The following ACSF2 variants were observed in gnomAD, a reference collection of about 807,000 sequenced individuals.
ACSF2 encodes the protein acyl-CoA synthetase family member 2, also known as medium-chain acyl-CoA ligase ACSF2, mitochondrial.
In ACSF2, 52 loss-of-function variants were observed where a neutral mutation model predicts 79.3. The observed-to-expected ratio is 0.66, with a 90% CI of 0.53 to 0.83. ACSF2 has a LOEUF of 0.83. Ranked by LOEUF, ACSF2 falls within the 40% of genes least tolerant of loss-of-function variation. ACSF2 has a pLI of 0.00. For missense variants in ACSF2, 661 were observed against 803.3 expected, an observed-to-expected ratio of 0.82 and a Z score of 2.14; for synonymous variants, 283 against 312.6, an observed-to-expected ratio of 0.91 and a Z score of 1.00.
intron 10 of ACSF2, chr17:50,465,309 C>T (rs778528573): frequency 1.2e-6 from 2 of 1,614,088 alleles, no homozygotes; most frequent in Non-Finnish European, 1.7e-6. Context: ...TAATGGCGGC[C>T]AGCTTTCTTG....
intron 1 of ACSF2, among the ~76,000 whole-genome samples, chr17:50,447,034 G>A (rs540226694): frequency 6.2e-4 from 94 of 152,164 alleles, no homozygotes; most frequent in African/African-American, 2.1e-3. Context: ...TACATTCAAT[G>A]GCTTATAGTA....
chr17:50,440,209 T>C (rs934701809), intron 1 of ACSF2, among the ~76,000 whole-genome samples: 4 of 151,576 alleles, frequency 2.6e-5, no homozygotes, highest in African/African-American at 9.7e-5. Flanking sequence ...AAAGCCTCAC[T>C]GGTGGCTAGC....
At chr17:50,447,100 C>T (rs2031351744) in intron 1 of ACSF2, among the ~76,000 whole-genome samples, 1 of 152,134 alleles carries the variant, frequency 6.6e-6, no homozygotes, top group Non-Finnish European at 1.5e-5. Context: ...TTTTCATCAC[C>T]TCACAGAGTT....
intron 10 of ACSF2, chr17:50,465,165 C>T: frequency 9.1e-7 from 1 of 1,101,452 alleles, no homozygotes; most frequent in Non-Finnish European, 1.3e-6. Context: ...CCCAGTCGTC[C>T]CCTCCTCTCT....
At chr17:50,472,199 G>A (rs1447845441) in intron 11 of ACSF2, 2 of 517,110 alleles carry the variant, frequency 3.9e-6, no homozygotes, top group East Asian at 3.7e-5. Context: ...AGCCCTCCCA[G>A]CCTGGGACTC....
intron 3 of ACSF2, 119 bp downstream of exon 3, chr17:50,461,489 G>A (rs965464592): frequency 3.1e-6 from 5 of 1,588,052 alleles, no homozygotes; most frequent in Non-Finnish European, 4.3e-6. Context: ...AAACCAGGTA[G>A]TGCTTTCTCC....
chr17:50,433,260 C>G (rs1231759712), intron 1 of ACSF2, among the ~76,000 whole-genome samples: 1 of 152,188 alleles, frequency 6.6e-6, no homozygotes, highest in Non-Finnish European at 1.5e-5. Context: ...CACCTGCCAC[C>G]ACGCCCAGCT....
intron 11 of ACSF2, 27 bp from the exon 12 acceptor site, chr17:50,472,400 GC>G (rs2033160630): frequency 1.2e-6 from 2 of 1,603,340 alleles, no homozygotes; most frequent in Non-Finnish European, 1.7e-6. Context: ...AGGATAGGAA[GC>G]CCCAACCTGA....
At chr17:50,426,493 G>A (rs560627833) in intron 1 of ACSF2, 104 bp downstream of exon 1, 6 of 1,242,218 alleles carry the variant, frequency 4.8e-6, no homozygotes, top group African/African-American at 1.6e-5. Context: ...CGAGTGCACT[G>A]GGGGGAAGGT....
chr17:50,435,901 T>C (rs2428683), intron 1 of ACSF2, among the ~76,000 whole-genome samples: 1,593 of 151,944 alleles, frequency 0.01, 16 homozygotes, highest in Non-Finnish European at 0.015. Context: ...TACAGGTGCA[T>C]GCCACTGCAC....
chr17:50,435,017 T>A (rs1219668335), intron 1 of ACSF2, among the ~76,000 whole-genome samples: 2 of 151,988 alleles, frequency 1.3e-5, no homozygotes, highest in Non-Finnish European at 2.9e-5. Flanking sequence ...ATTACCCGCA[T>A]GTGCCACCAC....
At chr17:50,430,410 G>A (rs1295162161) in intron 1 of ACSF2, among the ~76,000 whole-genome samples, 2 of 152,230 alleles carry the variant, frequency 1.3e-5, no homozygotes, top group Admixed American at 6.5e-5. Flanking sequence ...GCTCACACCT[G>A]TAATCCCGGC....
At chr17:50,468,862 G>A (rs1470135750) in intron 10 of ACSF2, 3 of 1,446,962 alleles carry the variant, frequency 2.1e-6, no homozygotes, top group Non-Finnish European at 1.8e-6. Flanking sequence ...GCGGCGGGGC[G>A]CGGGCAGCGG....
chr17:50,462,511 C>T lies in ACSF2; in HGVS notation c.718C>T (p.Gln240Ter). Residue 240 changes from glutamine to a stop codon, truncating the protein, a stop_gained, in exon 6 of 16, where the codon CAG becomes TAG. Coordinates refer to ENST00000300441, the MANE Select transcript of ACSF2 (RefSeq NM_025149.6). LOFTEE classifies it high-confidence loss of function. ...DEVVAAGSTR[Q>*]HLDQLQYNQQ... ...AGTGGTGGCGGCTGGCAGCACACGG[C>T]AGCATCTGGACCAGCTCCAATACAA... is the stretch of plus-strand genomic sequence containing the variant. 3.7e-6 allele frequency: 6 copies of T among 1,613,996 alleles called. No individual in the cohort carries two copies. The highest frequency in any genetic ancestry group is 5.1e-6 in the Non-Finnish European group (6 of 1,180,022).
Position 50,463,248 on chromosome 17 carries a change from G to C in ACSF2, c.885G>C (p.Glu295Asp). Residue 295 changes from glutamate (E) to aspartate (D), a missense_variant, in exon 7 of 16, where the codon GAG (glutamate) becomes GAC (aspartate). By Grantham distance (45) the Glu-to-Asp change is conservative (BLOSUM62 2). Transcript: ENST00000300441. The surrounding 1 kb of genome is among the most constrained non-coding windows in gnomAD (Gnocchi z 4.6). ...NILGERLKLH[E>D]KTPEQLRMIL... ...TAGGAGAGCGCCTGAAACTGCATGA[G>C]AAGGTGAGGCGGCACTAGGCCCAGG... The C allele has an allele frequency of 6.2e-7, 1 of 1,614,110 alleles. No homozygotes were observed. The highest frequency in any genetic ancestry group is 8.5e-7 in the Non-Finnish European group (1 of 1,180,030).
intron 1 of ACSF2, among the ~76,000 whole-genome samples, chr17:50,449,060 A>C (rs1598405893): frequency 8.1e-6 from 1 of 123,990 alleles, no homozygotes; most frequent in Non-Finnish European, 1.6e-5. Flanking sequence ...TCTGTCACCC[A>C]GGCTGGAGTG....
chr17:50,445,544 C>T (rs1479899962), intron 1 of ACSF2, among the ~76,000 whole-genome samples: 2 of 152,084 alleles, frequency 1.3e-5, no homozygotes, highest in Admixed American at 6.6e-5. Context: ...TCTGTAATCC[C>T]AACACTTTGG....
chr17:50,457,566 G>A (rs1392624700), intron 1 of ACSF2, among the ~76,000 whole-genome samples: 4 of 152,232 alleles, frequency 2.6e-5, no homozygotes, highest in Non-Finnish European at 5.9e-5. Flanking sequence ...GTTGGTAGTT[G>A]AGATGTGAGG....
chr17:50,459,962 T>C (rs1017962107), intron 1 of ACSF2, among the ~76,000 whole-genome samples: 6 of 152,150 alleles, frequency 3.9e-5, no homozygotes, highest in Non-Finnish European at 5.9e-5. Context: ...AGCTTCTTAA[T>C]TCCCTGGAGA....
Sources: gnomAD v4.1 joint callset for allele counts (sites outside exome capture counted in the v4.1 genomes callset) on GRCh38, gnomAD v4.1.1 for gene constraint, Gnocchi (gnomAD v3.1) non-coding constraint, MANE v1.5 for transcripts, NCBI Gene and HGNC (gene_info 2026-07-23, HGNC 2026-07-21) for gene names.